RASAL2: variants seen among roughly 807,000 people sequenced by gnomAD.
RASAL2 encodes ras GTPase-activating protein nGAP.
RASAL2 carries 58 observed loss-of-function variants against 128.9 expected under a neutral mutation model. The observed-to-expected ratio is 0.45, with a 90% CI of 0.36 to 0.56. The LOEUF is 0.56. RASAL2 is among the 20% of genes least tolerant of loss of function. The pLI is 0.00. For synonymous variants in RASAL2, 561 were observed against 580.8 expected, an observed-to-expected ratio of 0.97 and a Z score of 0.49; for missense variants, 1,360 against 1,601.6, an observed-to-expected ratio of 0.85 and a Z score of 2.57.
intron 1 of RASAL2, among the ~76,000 whole-genome samples, chr1:178,281,557 T>C (rs1410034229): frequency 6.6e-6 from 1 of 152,170 alleles, no homozygotes; most frequent in African/African-American, 2.4e-5. Context: ...TTAAAATTTT[T>C]ATGGACAGGG....
intron 1 of RASAL2, among the ~76,000 whole-genome samples, chr1:178,099,295 G>C (rs1658804709): frequency 6.6e-6 from 1 of 152,164 alleles, no homozygotes; most frequent in South Asian, 2.1e-4. Flanking sequence ...ATGTGGCATA[G>C]GCTTGTTGAT....
chr1:178,299,095 G>GA (rs752698224), intron 2 of RASAL2, among the ~76,000 whole-genome samples: 1 of 151,898 alleles, frequency 6.6e-6, no homozygotes, highest in Non-Finnish European at 1.5e-5. Context: ...AATTATGTCA[G>GA]AAAAAATGTT....
rs199616205 is a variant in RASAL2, at chr1:178,307,022, G to GA, written c.457+6915dup. Reference sequence around the variant, plus strand: ...TAAAACTTAAAGTATAATAATAAAAGAAAAAAAAAAAGCACGAAAAAGATG... The same window carrying GA: ...TAAAACTTAAAGTATAATAATAAAAGAAAAAAAAAAAAGCACGAAAAAGATG... On this transcript the variant is annotated intron_variant, in intron 3 of 17. Coordinates refer to ENST00000367649, the MANE Select transcript of RASAL2 (RefSeq NM_170692.4). 2.7e-4 allele frequency among the ~76,000 whole-genome samples: 37 copies of GA among 136,578 alleles called. 1 individual carries two copies. The highest frequency in any genetic ancestry group is 8.1e-4 in the Admixed American group (11 of 13,520). 89.6% of individuals were successfully genotyped at this position (136,578 alleles called of 152,430 possible). A position where few individuals can be genotyped will look rare whatever the true frequency, so the allele number is the denominator to read the frequency against.
chr1:178,362,442 C>T (rs1345173419), intron 3 of RASAL2, among the ~76,000 whole-genome samples: 1 of 151,532 alleles, frequency 6.6e-6, no homozygotes, highest in Non-Finnish European at 1.5e-5. Flanking sequence ...ACTTCTCTCC[C>T]TCCCTCCTTC....
intron 1 of RASAL2, among the ~76,000 whole-genome samples, chr1:178,270,812 G>A (rs895319981): frequency 6.6e-5 from 10 of 152,010 alleles, no homozygotes; most frequent in South Asian, 2.1e-4. Context: ...GCTGTTTGTC[G>A]GGGGAACCCT....
intron 1 of RASAL2, among the ~76,000 whole-genome samples, chr1:178,217,957 A>G (rs1016753304): frequency 6.6e-5 from 10 of 152,206 alleles, no homozygotes; most frequent in African/African-American, 2.2e-4. Flanking sequence ...TTCCACTGCT[A>G]TATCAACTAA....
intron 1 of RASAL2, among the ~76,000 whole-genome samples, chr1:178,147,821 G>A (rs552662604): frequency 6.6e-6 from 1 of 152,278 alleles, no homozygotes; most frequent in South Asian, 2.1e-4. Context: ...TGTAATCCCA[G>A]CACTTTGGGA....
chr1:178,393,439 A>G (rs1363382466), intron 4 of RASAL2, among the ~76,000 whole-genome samples: 2 of 152,168 alleles, frequency 1.3e-5, no homozygotes, highest in African/African-American at 4.8e-5. Flanking sequence ...ACAATAGGGT[A>G]TGTGCTCCTA....
intron 1 of RASAL2, among the ~76,000 whole-genome samples, chr1:178,130,091 C>T (rs771590979): frequency 2.0e-5 from 3 of 151,980 alleles, no homozygotes; most frequent in Non-Finnish European, 2.9e-5. Context: ...AGGTCTTTTC[C>T]GTAGTATATT....
chr1:178,347,747 A>G (rs1481786232), intron 3 of RASAL2, among the ~76,000 whole-genome samples: 1 of 152,240 alleles, frequency 6.6e-6, no homozygotes, highest in Admixed American at 6.5e-5. Flanking sequence ...CAGCTATTTG[A>G]CAATATCTCC....
intron 15 of RASAL2, among the ~76,000 whole-genome samples, chr1:178,465,387 T>C (rs1255568854): frequency 6.6e-6 from 1 of 152,186 alleles, no homozygotes; most frequent in Non-Finnish European, 1.5e-5. Flanking sequence ...TTGTTCTCTG[T>C]AGGGCTGATT....
At chr1:178,310,773 CA>C (rs1668208075) in intron 3 of RASAL2, among the ~76,000 whole-genome samples, 1 of 152,158 alleles carries the variant, frequency 6.6e-6, no homozygotes. Context: ...AACTGTTACC[CA>C]ATTACCTGTC....
chr1:178,119,475 T>C (rs12065729), intron 1 of RASAL2, among the ~76,000 whole-genome samples: 5,339 of 152,252 alleles, frequency 0.035, 278 homozygotes, highest in African/African-American at 0.12. Flanking sequence ...AGCATTTCTC[T>C]ATGGATGATA....
intron 1 of RASAL2, among the ~76,000 whole-genome samples, chr1:178,104,973 C>A (rs1341757232): frequency 6.6e-6 from 1 of 152,162 alleles, no homozygotes; most frequent in East Asian, 1.9e-4. Context: ...CTAAGAAGCA[C>A]ACAGTTGGTA....
intron 3 of RASAL2, among the ~76,000 whole-genome samples, chr1:178,328,256 A>AT (rs140687247): frequency 0.07 from 10,633 of 151,592 alleles, 1,198 homozygotes; most frequent in African/African-American, 0.24. Flanking sequence ...TTCTTTTTAA[A>AT]TTTTTTTTAT....
intron 1 of RASAL2, among the ~76,000 whole-genome samples, chr1:178,145,334 A>G (rs1660695976): frequency 6.6e-6 from 1 of 151,992 alleles, no homozygotes; most frequent in Admixed American, 6.6e-5. Context: ...CCAGACCACC[A>G]CTTTTTATAG....
At chr1:178,227,720 T>C (rs1663845360) in intron 1 of RASAL2, among the ~76,000 whole-genome samples, 1 of 152,236 alleles carries the variant, frequency 6.6e-6, no homozygotes. Context: ...CATTTTGACA[T>C]AGCAACCAGA....
intron 1 of RASAL2, among the ~76,000 whole-genome samples, chr1:178,167,454 A>G (rs1044784113): frequency 6.6e-6 from 1 of 152,126 alleles, no homozygotes; most frequent in African/African-American, 2.4e-5. Context: ...AATAGAGAAT[A>G]CTATTTATAA....
At chr1:178,285,112 T>C (rs1265746969) in intron 2 of RASAL2, among the ~76,000 whole-genome samples, 153 of 129,594 alleles carry the variant, frequency 1.2e-3, no homozygotes, top group African/African-American at 4.5e-3. Context: ...TCTTTTTTTT[T>C]TTTTTTTTTT....
Sources: allele counts gnomAD v4.1 joint callset (sites outside exome capture counted in the v4.1 genomes callset), GRCh38; gene constraint gnomAD v4.1.1; transcripts MANE v1.5; gene names NCBI Gene and HGNC (gene_info 2026-07-23, HGNC 2026-07-21).